Variants in PABPC4L observed in about 807,000 individuals in gnomAD.
PABPC4L encodes the protein poly(A) binding protein cytoplasmic 4 like.
For missense variants in PABPC4L, 452 were observed against 451.4 expected, an observed-to-expected ratio of 1.00 and a Z score of -0.01; for synonymous variants, 169 against 164.1, an observed-to-expected ratio of 1.03 and a Z score of -0.23.
At chr4:134,181,804 C>G in the PABPC4L span, among the ~76,000 whole-genome samples, 2 of 151,836 alleles carry the variant, frequency 1.3e-5, no homozygotes, top group Non-Finnish European at 2.9e-5. Context: ...CCTAGGAATA[C>G]AGCTAACCGG....
the PABPC4L span, among the ~76,000 whole-genome samples, chr4:133,961,147 C>T: frequency 3.3e-5 from 5 of 152,122 alleles, no homozygotes; most frequent in Non-Finnish European, 7.4e-5. Context: ...TAAGAACCCT[C>T]ACAAAGTCCA....
the PABPC4L span, among the ~76,000 whole-genome samples, chr4:134,029,575 G>T: frequency 6.6e-6 from 1 of 151,930 alleles, no homozygotes; most frequent in Non-Finnish European, 1.5e-5. Flanking sequence ...TAGATATACA[G>T]AATAGGGTAA....
chr4:134,044,257 C>T, the PABPC4L span, among the ~76,000 whole-genome samples: 1 of 151,190 alleles, frequency 6.6e-6, no homozygotes, highest in Non-Finnish European at 1.5e-5. Flanking sequence ...ATATATTTTA[C>T]TTTTATTATT....
chr4:134,068,763 C>A, the PABPC4L span, among the ~76,000 whole-genome samples: 42 of 151,444 alleles, frequency 2.8e-4, no homozygotes, highest in African/African-American at 9.7e-4. Context: ...GGCTGGAGTG[C>A]AGTGGTGCAG....
chr4:134,096,674 G>C, the PABPC4L span, among the ~76,000 whole-genome samples: 2 of 151,892 alleles, frequency 1.3e-5, no homozygotes, highest in African/African-American at 4.8e-5. Context: ...ATATTAGTGT[G>C]CCTTTTGGTA....
the PABPC4L span, among the ~76,000 whole-genome samples, chr4:134,127,262 C>T: frequency 2.6e-5 from 4 of 151,984 alleles, no homozygotes; most frequent in Non-Finnish European, 4.4e-5. Flanking sequence ...CCCCACCTGA[C>T]CCTAGGGCAA....
chr4:133,980,054 T>G, the PABPC4L span, among the ~76,000 whole-genome samples: 1 of 152,314 alleles, frequency 6.6e-6, no homozygotes, highest in Non-Finnish European at 1.5e-5. Flanking sequence ...GTACATGTTT[T>G]ACTACGTGTT....
At chr4:134,090,573 G>A in the PABPC4L span, among the ~76,000 whole-genome samples, 2 of 151,832 alleles carry the variant, frequency 1.3e-5, no homozygotes, top group Non-Finnish European at 2.9e-5. Flanking sequence ...GAGACCAGCC[G>A]AGGCAACATA....
the PABPC4L span, among the ~76,000 whole-genome samples, chr4:134,018,673 A>G: frequency 5.2e-4 from 79 of 152,236 alleles, no homozygotes; most frequent in African/African-American, 1.9e-3. Flanking sequence ...ATTTATTCAA[A>G]GCACATTGTT....
At chr4:133,967,283 C>A in the PABPC4L span, among the ~76,000 whole-genome samples, 1 of 151,844 alleles carries the variant, frequency 6.6e-6, no homozygotes, top group Non-Finnish European at 1.5e-5. Flanking sequence ...CCAGTCTCAG[C>A]AATATAGCAA....
At chr4:133,982,115 G>A in the PABPC4L span, among the ~76,000 whole-genome samples, 8 of 151,986 alleles carry the variant, frequency 5.3e-5, no homozygotes, top group Admixed American at 4.6e-4. Flanking sequence ...AAATATAAAC[G>A]TCTATTCCTG....
the PABPC4L span, among the ~76,000 whole-genome samples, chr4:134,182,966 G>GAAAA: frequency 6.6e-6 from 1 of 151,994 alleles, no homozygotes; most frequent in Non-Finnish European, 1.5e-5. Context: ...ACAGATGTTT[G>GAAAA]TGAGGCTGTG....
chr4:134,168,617 A>G, the PABPC4L span, among the ~76,000 whole-genome samples: 1 of 152,010 alleles, frequency 6.6e-6, no homozygotes, highest in African/African-American at 2.4e-5. Context: ...ATTTAAAAGG[A>G]TCATTAAAAA....
the PABPC4L span, among the ~76,000 whole-genome samples, chr4:134,111,154 A>G: frequency 6.6e-6 from 1 of 151,992 alleles, no homozygotes; most frequent in Non-Finnish European, 1.5e-5. Context: ...CATCCTCCAC[A>G]GGGGAGAAAT....
the PABPC4L span, among the ~76,000 whole-genome samples, chr4:133,991,019 T>G: frequency 6.6e-6 from 1 of 152,214 alleles, no homozygotes; most frequent in African/African-American, 2.4e-5. Flanking sequence ...TTGTTTGTTT[T>G]GCATCAGGTT....
At chr4:134,113,998 T>C in the PABPC4L span, among the ~76,000 whole-genome samples, 1 of 151,888 alleles carries the variant, frequency 6.6e-6, no homozygotes. Context: ...TTATGATAAA[T>C]TTTAAATTCA....
At chr4:133,971,606 C>CA in the PABPC4L span, among the ~76,000 whole-genome samples, 2 of 152,154 alleles carry the variant, frequency 1.3e-5, no homozygotes, top group Admixed American at 1.3e-4. Flanking sequence ...ACCAAAATCT[C>CA]AGACAGTGCT....
the PABPC4L span, among the ~76,000 whole-genome samples, chr4:134,146,418 A>C: frequency 6.6e-6 from 1 of 151,808 alleles, no homozygotes; most frequent in East Asian, 1.9e-4. Context: ...TGGCTTTTTC[A>C]CTCCCTTAGT....
At chr4:134,089,828 C>T in the PABPC4L span, among the ~76,000 whole-genome samples, 1 of 151,952 alleles carries the variant, frequency 6.6e-6, no homozygotes, top group Non-Finnish European at 1.5e-5. Flanking sequence ...GATTCTGGAA[C>T]CATGCCCCTG....
Sources: allele counts gnomAD v4.1 joint callset (sites outside exome capture counted in the v4.1 genomes callset), GRCh38; gene constraint gnomAD v4.1.1; transcripts MANE v1.5; gene names NCBI Gene and HGNC (gene_info 2026-07-23, HGNC 2026-07-21).